HDAC9: variants seen among roughly 807,000 people sequenced by gnomAD.
HDAC9 encodes the protein MEF-2 interacting transcription repressor (MITR) protein.
HDAC9 carries 41 observed loss-of-function variants against 139.4 expected under a neutral mutation model. That is an observed-to-expected ratio of 0.29 (90% CI 0.23 to 0.38). The LOEUF (loss-of-function observed/expected upper bound fraction) is 0.38. HDAC9 is among the 10% of genes least tolerant of loss of function. The pLI, the probability that HDAC9 is intolerant of heterozygous loss-of-function variation, is 1.00. For missense variants in HDAC9, 1,147 were observed against 1,297.0 expected, an observed-to-expected ratio of 0.88 and a Z score of 1.78; for synonymous variants, 517 against 476.2, an observed-to-expected ratio of 1.09 and a Z score of -1.12.
At chr7:18,158,161 A>T (rs1449302043) in intron 1 of HDAC9, among the ~76,000 whole-genome samples, 1 of 152,202 alleles carries the variant, frequency 6.6e-6, no homozygotes, top group Non-Finnish European at 1.5e-5. Flanking sequence ...CACTATCCAA[A>T]ATAATACTAA....
intron 2 of HDAC9, among the ~76,000 whole-genome samples, chr7:18,196,452 A>G (rs962490039): frequency 3.3e-5 from 5 of 152,190 alleles, no homozygotes; most frequent in Non-Finnish European, 2.9e-5. Context: ...AAGAATGTAC[A>G]GTGCTTTCAG....
At chr7:18,803,212 C>T (rs1332503338) in intron 17 of HDAC9, among the ~76,000 whole-genome samples, 1 of 151,668 alleles carries the variant, frequency 6.6e-6, no homozygotes. Context: ...ACTTCACTAT[C>T]TTTTTTTTCC....
chr7:18,885,876 G>C (rs77527369), intron 22 of HDAC9, among the ~76,000 whole-genome samples: 1 of 151,978 alleles, frequency 6.6e-6, no homozygotes, highest in Non-Finnish European at 1.5e-5. Flanking sequence ...AACGAATCAA[G>C]GACTTACTCT....
chr7:18,759,971 A>G (rs1789238034), intron 14 of HDAC9, among the ~76,000 whole-genome samples: 1 of 152,234 alleles, frequency 6.6e-6, no homozygotes, highest in Admixed American at 6.5e-5. Context: ...GAATCTTTAT[A>G]GACATGAAGA....
intron 2 of HDAC9, among the ~76,000 whole-genome samples, chr7:18,250,677 T>C (rs1157779555): frequency 6.6e-6 from 1 of 152,088 alleles, no homozygotes; most frequent in East Asian, 1.9e-4. Flanking sequence ...AATTCTAGAG[T>C]GGTCTTTGAG....
intron 6 of HDAC9, among the ~76,000 whole-genome samples, chr7:18,627,711 G>A (rs181331766): frequency 6.6e-6 from 1 of 152,072 alleles, no homozygotes; most frequent in East Asian, 1.9e-4. Flanking sequence ...CCCGGCAAGT[G>A]ATACATTTCA....
upstream of HDAC9, among the ~76,000 whole-genome samples, chr7:18,286,955 G>C (rs1283361990): frequency 1.3e-5 from 2 of 152,138 alleles, no homozygotes; most frequent in Non-Finnish European, 1.5e-5. Context: ...AAGAGATAAT[G>C]TAATGACTTA....
chr7:18,381,365 C>T (rs1283158611), intron 1 of HDAC9, among the ~76,000 whole-genome samples: 1 of 151,830 alleles, frequency 6.6e-6, no homozygotes, highest in Non-Finnish European at 1.5e-5. Flanking sequence ...ATTTCTCTAA[C>T]TAGAAAGAGC....
chr7:18,476,480 G>A (rs1162388746), intron 1 of HDAC9, among the ~76,000 whole-genome samples: 5 of 151,254 alleles, frequency 3.3e-5, no homozygotes, highest in Non-Finnish European at 5.9e-5. Flanking sequence ...AGGCTAAGAC[G>A]GCTGACTAGA....
chr7:18,347,993 A>G (rs925721291), intron 1 of HDAC9, among the ~76,000 whole-genome samples: 1 of 152,162 alleles, frequency 6.6e-6, no homozygotes, highest in African/African-American at 2.4e-5. Context: ...TTTTAATTTT[A>G]AGAGAGAAGT....
intron 22 of HDAC9, among the ~76,000 whole-genome samples, chr7:18,901,830 T>G (rs186204295): frequency 2.3e-3 from 344 of 152,360 alleles, no homozygotes; most frequent in Non-Finnish European, 3.5e-3. Context: ...TATACATTTC[T>G]AATCTACTGC....
At chr7:18,831,404 C>T (rs1046262587) in intron 19 of HDAC9, among the ~76,000 whole-genome samples, 2 of 152,126 alleles carry the variant, frequency 1.3e-5, no homozygotes, top group Admixed American at 6.5e-5. Context: ...AAATCTGATA[C>T]GATTTATAAA....
At chr7:18,745,737 G>A (rs1487424182) in intron 13 of HDAC9, among the ~76,000 whole-genome samples, 3 of 151,186 alleles carry the variant, frequency 2.0e-5, no homozygotes, top group Admixed American at 6.6e-5. Flanking sequence ...TAGTAGAGAC[G>A]GGGTTTCACC....
At chr7:18,626,708 A>G (rs1841817620) in intron 6 of HDAC9, among the ~76,000 whole-genome samples, 1 of 152,174 alleles carries the variant, frequency 6.6e-6, no homozygotes, top group South Asian at 2.1e-4. Context: ...ATTGAAAGAA[A>G]TCTGAGAGCT....
At chr7:18,833,079 C>T (rs1240281129) in intron 19 of HDAC9, among the ~76,000 whole-genome samples, 1 of 152,042 alleles carries the variant, frequency 6.6e-6, no homozygotes, top group Non-Finnish European at 1.5e-5. Flanking sequence ...GAGTTGTTCC[C>T]CCAAACAAAA....
At chr7:18,220,878 A>G (rs1792649669) in intron 2 of HDAC9, among the ~76,000 whole-genome samples, 1 of 152,160 alleles carries the variant, frequency 6.6e-6, no homozygotes, top group African/African-American at 2.4e-5. Context: ...ATAATTTCTC[A>G]CTTATTTCCT....
intron 25 of HDAC9, among the ~76,000 whole-genome samples, chr7:18,989,939 C>T (rs1785729594): frequency 6.6e-6 from 1 of 151,538 alleles, no homozygotes; most frequent in South Asian, 2.1e-4. Context: ...GTTGGTTATT[C>T]TAGTTATACA....
intron 22 of HDAC9, among the ~76,000 whole-genome samples, chr7:18,908,234 C>G (rs1280269214): frequency 2.0e-5 from 3 of 151,870 alleles, no homozygotes; most frequent in African/African-American, 7.2e-5. Context: ...ATTCTTTGTA[C>G]TCTTTAAAAA....
intron 22 of HDAC9, among the ~76,000 whole-genome samples, chr7:18,894,246 G>GT (rs1459647242): frequency 6.6e-6 from 1 of 152,112 alleles, no homozygotes; most frequent in Non-Finnish European, 1.5e-5. Flanking sequence ...ATTTAAAGCC[G>GT]TAAGCCCAGA....
Sources: allele counts gnomAD v4.1 joint callset (sites outside exome capture counted in the v4.1 genomes callset), GRCh38; gene constraint gnomAD v4.1.1; transcripts MANE v1.5; gene names NCBI Gene and HGNC (gene_info 2026-07-23, HGNC 2026-07-21).